The following TFEC variants were observed in gnomAD, a reference collection of about 807,000 sequenced individuals.
TFEC encodes the protein transcription factor EC, also known as class E basic helix-loop-helix protein 34.
A neutral mutation model predicts 41.6 loss-of-function variants in TFEC; 31 were observed. That is an observed-to-expected ratio of 0.74 (90% confidence interval 0.56 to 1.01). The LOEUF is 1.01. Ranked by LOEUF, TFEC falls within the 50% of genes least tolerant of loss-of-function variation. The probability of loss-of-function intolerance (pLI) is 0.00; values close to 1 mark genes in which losing one functional copy is unlikely to be tolerated. For synonymous variants in TFEC, 143 were observed against 140.6 expected, an observed-to-expected ratio of 1.02 and a Z score of -0.12; for missense variants, 402 against 404.1, an observed-to-expected ratio of 0.99 and a Z score of 0.04.
At chr7:115,974,913 C>T (rs1793314225) in intron 2 of TFEC, among the ~76,000 whole-genome samples, 1 of 151,862 alleles carries the variant, frequency 6.6e-6, no homozygotes, top group Non-Finnish European at 1.5e-5. Flanking sequence ...ATGAGAGGTA[C>T]CAGGCATGCT....
At chr7:115,991,309 T>A (rs1194245291) in intron 1 of TFEC, among the ~76,000 whole-genome samples, 2 of 152,184 alleles carry the variant, frequency 1.3e-5, no homozygotes, top group Non-Finnish European at 2.9e-5. Flanking sequence ...AGGAAGAAAC[T>A]GCATCAACTA....
chr7:115,984,212 G>A (rs1213350904), intron 2 of TFEC, 50 bp downstream of exon 2: 1 of 1,589,056 alleles, frequency 6.3e-7, no homozygotes, highest in East Asian at 2.3e-5. Flanking sequence ...TTTAATAGAG[G>A]TTTTTTCAAA....
chr7:116,056,997 A>G (rs1796446832), intron 3 of TFEC, among the ~76,000 whole-genome samples: 1 of 152,092 alleles, frequency 6.6e-6, no homozygotes, highest in Non-Finnish European at 1.5e-5. Flanking sequence ...GAACTTCTAA[A>G]TATGAAAGCT....
intron 3 of TFEC, chr7:115,968,136 G>A: frequency 6.7e-7 from 1 of 1,496,396 alleles, no homozygotes. Context: ...AGTATTTAAG[G>A]TGGTTTCATC....
intron 1 of TFEC, among the ~76,000 whole-genome samples, chr7:116,025,495 A>G (rs901196038): frequency 7.9e-5 from 12 of 152,194 alleles, no homozygotes; most frequent in Admixed American, 5.9e-4. Flanking sequence ...CCTAGATTTA[A>G]GCACCACCAG....
At chr7:115,967,533 A>G (rs2130545267) in intron 3 of TFEC, among the ~76,000 whole-genome samples, 1 of 151,956 alleles carries the variant, frequency 6.6e-6, no homozygotes. Flanking sequence ...GTTTCAGGAC[A>G]CACACCATTA....
chr7:115,953,226 C>A (rs148861589), intron 5 of TFEC, among the ~76,000 whole-genome samples: 2 of 152,144 alleles, frequency 1.3e-5, no homozygotes, highest in South Asian at 2.1e-4. Flanking sequence ...GACATTTTCA[C>A]GCCAAAATCC....
intron 7 of TFEC, chr7:115,941,238 T>C (rs992602932): frequency 1.4e-5 from 3 of 219,956 alleles, no homozygotes; most frequent in Admixed American, 1.1e-4. Context: ...GAAAGTCATC[T>C]ATTTATTCTT....
chr7:116,046,524 C>CT (rs569890545), intron 3 of TFEC, among the ~76,000 whole-genome samples: 2 of 152,254 alleles, frequency 1.3e-5, no homozygotes, highest in South Asian at 4.1e-4. Context: ...AATTAAACCT[C>CT]TTTTTCTTCC....
At chr7:116,138,366 C>T (rs374666434) in intron 1 of TFEC, among the ~76,000 whole-genome samples, 2 of 152,168 alleles carry the variant, frequency 1.3e-5, no homozygotes, top group South Asian at 2.1e-4. Context: ...TTTAATGTTC[C>T]ATTCTGACTT....
chr7:115,940,597 C>A lies in TFEC; in HGVS notation c.998G>T (p.Ser333Ile), dbSNP rs34601641. 6.2e-7 allele frequency: 1 copy of A among 1,613,246 alleles called. No individual in the cohort carries two copies. Among genetic ancestry groups the A allele is most frequent in the African/African-American group, 1.3e-5 (1 of 74,970 alleles). Residue 333 changes from serine (S) to isoleucine (I), a missense_variant, in exon 8 of 8, where the codon AGC (serine) becomes ATC (isoleucine). Coordinates refer to ENST00000265440, the MANE Select transcript of TFEC (RefSeq NM_012252.4). ...SATSPAVSKESSRRSSFSSDD... is the reference protein window; with the variant it reads ...SATSPAVSKEISRRSSFSSDD... Reference sequence around the variant, plus strand: ...TGAGCTAAAGCTACTTCTCCTACTGCTTTCTTTGGAAACTGCAGGGGAAGT... The same window carrying A: ...TGAGCTAAAGCTACTTCTCCTACTGATTTCTTTGGAAACTGCAGGGGAAGT...
At chr7:115,966,404 A>T (rs964397523) in intron 3 of TFEC, among the ~76,000 whole-genome samples, 1 of 151,714 alleles carries the variant, frequency 6.6e-6, no homozygotes, top group Non-Finnish European at 1.5e-5. Context: ...TGATCCTAAC[A>T]TACGTGCTAT....
At chr7:116,008,142 T>C (rs1003158848) in intron 1 of TFEC, among the ~76,000 whole-genome samples, 4 of 152,164 alleles carry the variant, frequency 2.6e-5, no homozygotes, top group African/African-American at 9.7e-5. Flanking sequence ...TAAAAAGTGA[T>C]GGCAAACATC....
chr7:116,128,244 G>A (rs1036289714), intron 1 of TFEC, among the ~76,000 whole-genome samples: 2 of 151,996 alleles, frequency 1.3e-5, no homozygotes, highest in Admixed American at 1.3e-4. Flanking sequence ...AGAAAATAAT[G>A]ATCAGCTTAA....
chr7:116,008,765 T>C (rs1794896268), intron 1 of TFEC, among the ~76,000 whole-genome samples: 1 of 152,200 alleles, frequency 6.6e-6, no homozygotes, highest in Non-Finnish European at 1.5e-5. Flanking sequence ...GCTTGTCTGA[T>C]TGAGATATAA....
intron 4 of TFEC, 140 bp downstream of exon 4, chr7:115,956,539 A>G (rs1792240849): frequency 3.9e-6 from 2 of 516,968 alleles, no homozygotes; most frequent in Non-Finnish European, 6.7e-6. Flanking sequence ...TCATAAAAAG[A>G]AAAGATGAAT....
intron 3 of TFEC, among the ~76,000 whole-genome samples, chr7:116,094,275 T>A (rs1420770738): frequency 6.6e-6 from 1 of 152,244 alleles, no homozygotes; most frequent in African/African-American, 2.4e-5. Flanking sequence ...GACCAACAGC[T>A]GTTAATGTGA....
intron 3 of TFEC, among the ~76,000 whole-genome samples, chr7:116,064,908 C>T: frequency 6.6e-6 from 1 of 152,124 alleles, no homozygotes; most frequent in East Asian, 1.9e-4. Flanking sequence ...CTGTTAGATT[C>T]CAGTGTCCTC....
In TFEC at chr7:116,084,530, C is replaced by T. The variant is rs148529888; in HGVS notation, c.198+26178G>A. 1.7e-3 allele frequency among the ~76,000 whole-genome samples: 260 copies of T among 151,884 alleles called. 1 individual carries two copies. The highest frequency in any genetic ancestry group is 6.0e-3 in the African/African-American group (249 of 41,482). ...AGCCAAGATCTGAACAGAAAAGATG[C>T]AATTTTTATATGGCACATTGGGTAG... On this transcript the variant is annotated intron_variant, in intron 3 of 8. Transcript: ENST00000484212.
Sources: allele counts gnomAD v4.1 joint callset (sites outside exome capture counted in the v4.1 genomes callset), GRCh38; gene constraint gnomAD v4.1.1; transcripts MANE v1.5; gene names NCBI Gene and HGNC (gene_info 2026-07-23, HGNC 2026-07-21).